Variants in CHRNA1 observed in about 807,000 individuals in gnomAD.
The protein encoded by CHRNA1 is acetylcholine receptor subunit alpha.
In CHRNA1, 35 loss-of-function variants were observed where a neutral mutation model predicts 47.1. The observed-to-expected ratio is 0.74, with a 90% confidence interval of 0.57 to 0.99. CHRNA1 has a LOEUF of 0.99. Ranked by LOEUF, CHRNA1 falls within the 50% of genes least tolerant of loss-of-function variation. The pLI is 0.00. For missense variants in CHRNA1, 506 were observed against 591.1 expected, an observed-to-expected ratio of 0.86 and a Z score of 1.49; for synonymous variants, 229 against 223.6, an observed-to-expected ratio of 1.02 and a Z score of -0.22.
At chr2:174,748,386 CG>C in intron 8 of CHRNA1, 131 bp from the exon 9 acceptor site, 1 of 1,442,622 alleles carries the variant, frequency 6.9e-7, no homozygotes, top group Admixed American at 2.1e-5. Flanking sequence ...TGGCTGGCAT[CG>C]TCTTTATTTT....
intron 3 of CHRNA1, among the ~76,000 whole-genome samples, chr2:174,758,462 G>A (rs1230409932): frequency 6.6e-6 from 1 of 152,064 alleles, no homozygotes; most frequent in Non-Finnish European, 1.5e-5. Flanking sequence ...AAAATGCTCC[G>A]AAATCCAAAA....
intron 1 of CHRNA1, among the ~76,000 whole-genome samples, chr2:174,761,158 A>G (rs963156373): frequency 1.3e-5 from 2 of 152,170 alleles, no homozygotes; most frequent in African/African-American, 2.4e-5. Flanking sequence ...CACTATTCCT[A>G]TGAGAAAATG....
Position 174,748,570 on chromosome 2 carries a change from C to G in CHRNA1, c.1242+10G>C, listed in dbSNP as rs758078454. ...ACCCAGAGGCATGAATTTCAAGCCA[C>G]GAAGCTTACATTGTTAGACTCCTGG... On this transcript the variant is annotated intron_variant, in intron 8 of 8. Coordinates refer to ENST00000348749, the MANE Select transcript of CHRNA1 (RefSeq NM_000079.4). 12 of 1,609,150 alleles carry G rather than the reference C, an allele frequency of 7.5e-6. No individual in the cohort carries two copies. Among genetic ancestry groups the G allele is most frequent in the Non-Finnish European group, 1.0e-5 (12 of 1,176,140 alleles).
At chr2:174,757,932 G>T in intron 3 of CHRNA1, 1 of 1,388,988 alleles carries the variant, frequency 7.2e-7, no homozygotes, top group Non-Finnish European at 1.0e-6. Context: ...CGTGAGGGGA[G>T]GGTGATTACT....
At position 174,756,901 on chromosome 2, in the gene CHRNA1, G is replaced by A. The variant is rs115969709; in HGVS notation, c.344+665C>T. Among the ~76,000 whole-genome samples, 1,251 of 152,204 alleles carry A rather than the reference G, an allele frequency of 8.2e-3. 19 individuals are homozygous for A. Among genetic ancestry groups the A allele is most frequent in the African/African-American group, 0.029 (1,216 of 41,520 alleles). On this transcript the variant is annotated intron_variant, in intron 4 of 8. Transcript: ENST00000348749. The stretch of plus-strand genomic sequence containing the variant: ...GCCTGGGAAGGATGCTTTTTGAAAC[G>A]AGCATTTCCTGACAAATGAAGGGCG...
rs760968177 is a variant in CHRNA1, at chr2:174,757,974, A to G, written c.235-299T>C. The G allele has an allele frequency of 3.7e-6, 6 of 1,604,860 alleles. No homozygotes were observed. The South Asian group carries it at 5.5e-5, about 15-fold the overall frequency. ...ATTCTGCAGATGAGAAAACAAAGGA[A>G]CTCCCAAAGTCACGCAGCTGGGGCG... is the stretch of plus-strand genomic sequence containing the variant. On this transcript the variant is annotated intron_variant, in intron 3 of 8. Coordinates refer to ENST00000348749, the MANE Select transcript of CHRNA1 (RefSeq NM_000079.4).
chr2:174,755,573 C>A (rs1243899838), intron 4 of CHRNA1, among the ~76,000 whole-genome samples: 2 of 152,042 alleles, frequency 1.3e-5, no homozygotes, highest in Non-Finnish European at 2.9e-5. Context: ...CGCCCACCAC[C>A]ACGCCCAGCT....
chr2:174,763,251 A>T lies in CHRNA1; in HGVS notation c.43+1101T>A, dbSNP rs562127631. On this transcript the variant is annotated intron_variant, in intron 1 of 8. Transcript: ENST00000348749. ...CAAAATCCTAAGAGATCTCTTAAGG[A>T]TGTTTACATTAAAGCATATCATTTA... 7.2e-5 allele frequency among the ~76,000 whole-genome samples: 11 copies of T among 152,212 alleles called. No homozygotes were observed. The South Asian group carries it at 1.9e-3, about 26-fold the overall frequency.
rs199470444 is a variant in CHRNA1 at position 174,757,630 on chromosome 2, C to A, written c.280G>T (p.Gly94Cys). The A allele has an allele frequency of 3.8e-5, 61 of 1,613,950 alleles. No homozygotes were observed. The highest frequency in any genetic ancestry group is 5.1e-5 in the Non-Finnish European group (60 of 1,180,018). ...NLKWNPDDYG[G>C]VKKIHIPSEK... is the part of the protein sequence containing the mutation. ...GAAGGAATGTGAATTTTTTTCACAC[C>A]GCCATAGTCATCTGGATTCCATTTT... Residue 94 changes from glycine (G) to cysteine (C), a missense_variant, in exon 4 of 9, where the codon GGT becomes TGT. Physicochemically the swap from Gly to Cys is radical, Grantham distance 159. Coordinates refer to ENST00000348749, the MANE Select transcript of CHRNA1 (RefSeq NM_000079.4).
intron 3 of CHRNA1, chr2:174,757,998 C>A (rs750955953): frequency 2.5e-6 from 4 of 1,613,612 alleles, no homozygotes; most frequent in Non-Finnish European, 3.4e-6. Context: ...GCAGCTGGGG[C>A]GTGGCAGATC....
At chr2:174,752,980 C>G (rs7592110) in intron 6 of CHRNA1, 4,210 of 209,416 alleles carry the variant, frequency 0.02, 202 homozygotes, top group African/African-American at 0.089. Flanking sequence ...AGTAAGTTGT[C>G]TAGGCTGATA....
chr2:174,764,002 A>G (rs1684143544), intron 1 of CHRNA1, among the ~76,000 whole-genome samples: 1 of 152,154 alleles, frequency 6.6e-6, no homozygotes, highest in East Asian at 1.9e-4. Flanking sequence ...TTGTTTAAAT[A>G]TGAACCCCCG....
intron 1 of CHRNA1, among the ~76,000 whole-genome samples, chr2:174,761,138 C>G (rs1684093165): frequency 6.6e-6 from 1 of 152,204 alleles, no homozygotes; most frequent in African/African-American, 2.4e-5. Flanking sequence ...AAACTCAGAA[C>G]TGCAAGTGCC....
At chr2:174,757,757 G>T in intron 3 of CHRNA1, 82 bp from the exon 4 acceptor site, 1 of 1,251,780 alleles carries the variant, frequency 8.0e-7, no homozygotes, top group Non-Finnish European at 1.2e-6. Context: ...TGATGTGCAT[G>T]GGAATTCAGT....
At chr2:174,757,527 C>T (rs781433953) in intron 4 of CHRNA1, 39 bp downstream of exon 4, 4 of 1,489,246 alleles carry the variant, frequency 2.7e-6, no homozygotes, top group Non-Finnish European at 3.7e-6. Context: ...ATTCCACCTG[C>T]CCCAGGAGCA....
chr2:174,747,963 A>T lies in CHRNA1; in HGVS notation c.*161T>A. 1.1e-6 allele frequency: 1 copy of T among 909,808 alleles called. No individual in the cohort carries two copies. Among genetic ancestry groups the T allele is most frequent in the South Asian group, 1.5e-5 (1 of 68,518 alleles). The allele number at this position is 909,808 out of a possible 1,614,324, so 56.4% of individuals were successfully genotyped here. A position where few individuals can be genotyped will look rare whatever the true frequency, so the allele number is the denominator to read the frequency against. On this transcript the variant is annotated 3_prime_UTR_variant, in exon 9 of 9. Transcript: ENST00000348749. ...GGAGAAGCAATATGAAAACACTTCA[A>T]GGCCATAAACTTACATAAAGGTAAA...
At chr2:174,761,529 G>T (rs546186625) in intron 1 of CHRNA1, among the ~76,000 whole-genome samples, 1 of 152,156 alleles carries the variant, frequency 6.6e-6, no homozygotes, top group African/African-American at 2.4e-5. Context: ...TGTTCAGGCT[G>T]GTCTCAAACT....
At chr2:174,759,412 A>AGAGGGGACCCAGGG in intron 2 of CHRNA1, 37 bp from the exon 3 acceptor site, 1 of 1,613,482 alleles carries the variant, frequency 6.2e-7, no homozygotes, top group South Asian at 1.1e-5. Flanking sequence ...TATGGGGGAG[A>AGAGGGGACCCAGGG]GAGGGGACCC....
At position 174,754,219 on chromosome 2, in the gene CHRNA1, C is replaced by A; in HGVS notation, c.540G>T (p.Pro180=). The change falls in exon 5 of 9, where the codon CCG becomes CCT. Residue 180 remains proline (P), a splice_region_variant and synonymous_variant. Transcript: ENST00000348749. ...TYDGSVVAIN[P]ESDQPDLSNF... is the part of the protein sequence containing the mutation. ...CTTATCATATGTGGCCACCACCTAC[C>A]GGGTTGATGGCCACGACAGAGCCGT... 4.3e-6 allele frequency: 7 copies of A among 1,613,024 alleles called. No individual in the cohort carries two copies. Among genetic ancestry groups the A allele is most frequent in the Non-Finnish European group, 5.9e-6 (7 of 1,179,796 alleles).
Sources: gnomAD v4.1 joint callset for allele counts (sites outside exome capture counted in the v4.1 genomes callset) on GRCh38, gnomAD v4.1.1 for gene constraint, MANE v1.5 for transcripts, NCBI Gene and HGNC (gene_info 2026-07-23, HGNC 2026-07-21) for gene names.